TRIO: variants seen among roughly 807,000 people sequenced by gnomAD.
The protein encoded by TRIO is trio Rho guanine nucleotide exchange factor, also known as triple functional domain protein.
A neutral mutation model predicts 351.9 loss-of-function variants in TRIO; 58 were observed. The observed-to-expected ratio is 0.16, with a 90% CI of 0.13 to 0.21. The LOEUF is 0.21. TRIO is among the 10% of genes least tolerant of loss of function. TRIO has a pLI of 1.00. For synonymous variants in TRIO, 1,758 were observed against 1,595.7 expected (o/e 1.10, Z -2.42); for missense variants, 3,201 against 4,027.8 (o/e 0.79, Z 5.56).
chr5:14,481,771 CTTTTTTTTTTT>C (rs34046917), intron 45 of TRIO, 153 bp downstream of exon 45: 6 of 189,354 alleles, frequency 3.2e-5, no homozygotes, highest in Non-Finnish European at 5.5e-5. Flanking sequence ...ATTTTATTTC[CTTTTTTTTTTT>C]TTTTTTTTTT....
At chr5:14,230,172 C>T (rs556928) in intron 1 of TRIO, among the ~76,000 whole-genome samples, 61,322 of 152,128 alleles carry the variant, frequency 0.4, 14,155 homozygotes, top group East Asian at 0.53. Context: ...GTTTTTGGTA[C>T]ACTTCCAAAC....
intron 1 of TRIO, among the ~76,000 whole-genome samples, chr5:14,228,832 C>T (rs1793214367): frequency 6.6e-6 from 1 of 151,998 alleles, no homozygotes; most frequent in African/African-American, 2.4e-5. Context: ...GATCATGCCA[C>T]TGCACTCCAG....
intron 1 of TRIO, among the ~76,000 whole-genome samples, chr5:14,187,147 C>T (rs1307648211): frequency 6.6e-6 from 1 of 152,168 alleles, no homozygotes; most frequent in African/African-American, 2.4e-5. Context: ...CGGTTCTGGT[C>T]TCTCTTACGT....
At chr5:14,395,475 C>A (rs1440862159) in intron 28 of TRIO, among the ~76,000 whole-genome samples, 1 of 152,212 alleles carries the variant, frequency 6.6e-6, no homozygotes, top group Non-Finnish European at 1.5e-5. Context: ...AGAGGTTCTT[C>A]AGGAGAACAG....
rs1214734118 is a variant in TRIO, at chr5:14,243,007, G to GC, written c.158-27816dup. On this transcript the variant is annotated intron_variant, in intron 1 of 56. Coordinates refer to ENST00000344204, the MANE Select transcript of TRIO (RefSeq NM_007118.4). ...GACACATGCAGTGGTTGGCGGCCCA[G>GC]CCAGGGGGTCTCTTCTCTCACAGCC... Among the ~76,000 whole-genome samples, 7 of 152,222 alleles carry GC rather than the reference G, an allele frequency of 4.6e-5. No homozygotes were observed. The East Asian group carries it at 1.2e-3, about 25-fold the overall frequency.
intron 9 of TRIO, among the ~76,000 whole-genome samples, chr5:14,326,913 A>T (rs910643920): frequency 6.6e-6 from 1 of 152,194 alleles, no homozygotes; most frequent in South Asian, 2.1e-4. Flanking sequence ...GCTGGATTTC[A>T]TAGCTGTCTG....
chr5:14,402,148 C>G (rs934938371), intron 31 of TRIO, among the ~76,000 whole-genome samples: 1 of 152,202 alleles, frequency 6.6e-6, no homozygotes, highest in African/African-American at 2.4e-5. Flanking sequence ...ATTTAAATAA[C>G]TGTATTTTCT....
At chr5:14,271,152 T>G (rs917628237) in intron 2 of TRIO, among the ~76,000 whole-genome samples, 2 of 152,234 alleles carry the variant, frequency 1.3e-5, no homozygotes, top group African/African-American at 2.4e-5. Context: ...CAACAAAAAT[T>G]CAGCTGTTCT....
chr5:14,479,064 G>T (rs1488455918), intron 41 of TRIO, among the ~76,000 whole-genome samples, 197 bp from the exon 42 acceptor site: 1 of 152,148 alleles, frequency 6.6e-6, no homozygotes, highest in Non-Finnish European at 1.5e-5. Flanking sequence ...AGTGATGGGG[G>T]AAGGACTGGT....
chr5:14,469,001 G>A (rs894403364), intron 37 of TRIO, among the ~76,000 whole-genome samples: 95 of 152,276 alleles, frequency 6.2e-4, no homozygotes, highest in African/African-American at 2.2e-3. Context: ...CTGCATGTCG[G>A]CAATAGAGTA....
chr5:14,301,477 G>A (rs1395879813), intron 7 of TRIO, among the ~76,000 whole-genome samples: 1 of 152,122 alleles, frequency 6.6e-6, no homozygotes, highest in Non-Finnish European at 1.5e-5. Context: ...TTAGACTGCA[G>A]TAGCCACCTT....
intron 46 of TRIO, 137 bp from the exon 47 acceptor site, chr5:14,484,932 G>C: frequency 2.4e-6 from 2 of 824,852 alleles, no homozygotes; most frequent in Admixed American, 3.4e-5. Flanking sequence ...TTGTGTGTCG[G>C]AATTTCTTTC....
chr5:14,191,801 T>C (rs1328577853), intron 1 of TRIO, among the ~76,000 whole-genome samples: 3 of 152,182 alleles, frequency 2.0e-5, no homozygotes, highest in African/African-American at 7.2e-5. Context: ...AGTAAAGACT[T>C]CTTGTGGTTC....
rs546938350 is a variant in TRIO at position 14,262,442 on chromosome 5, GT to G, written c.158-8382del. ...ATGGTAATGATGAACCAATGAGGTT[GT>G]GGAGGCAGCATACATCAGATCATGA... On this transcript the variant is annotated intron_variant, in intron 1 of 56. Coordinates refer to ENST00000344204, the MANE Select transcript of TRIO (RefSeq NM_007118.4). 2.1e-3 allele frequency among the ~76,000 whole-genome samples: 320 copies of G among 152,294 alleles called. 1 individual carries two copies. The highest frequency in any genetic ancestry group is 3.7e-3 in the Non-Finnish European group (254 of 68,016).
chr5:14,272,381 T>C (rs1796026381), intron 2 of TRIO, among the ~76,000 whole-genome samples: 1 of 152,204 alleles, frequency 6.6e-6, no homozygotes, highest in African/African-American at 2.4e-5. Context: ...GAGATGGACA[T>C]GTGAAGAAAG....
intron 1 of TRIO, among the ~76,000 whole-genome samples, chr5:14,227,359 A>G (rs1793113046): frequency 6.6e-6 from 1 of 152,050 alleles, no homozygotes; most frequent in East Asian, 1.9e-4. Flanking sequence ...AAGGACAGGG[A>G]CCTCCTTTTG....
In TRIO at chr5:14,465,602, C is replaced by G; in HGVS notation, c.5725C>G (p.Leu1909Val). 1 of 1,614,098 alleles carries G rather than the reference C, an allele frequency of 6.2e-7. No homozygotes were observed. The highest frequency in any genetic ancestry group is 2.2e-5 in the East Asian group (1 of 44,884). ...CTCCGAAACACCGAGTGCAGCCGAG[C>G]TCGTCAGTGCAATTGAGGAACTCGT... Reference protein sequence around the residue: ...TSSETPSAAELVSAIEELVKS... With the variant: ...TSSETPSAAEVVSAIEELVKS... Residue 1909 changes from leucine (L) to valine (V), a missense_variant, in exon 37 of 57, where the codon CTC becomes GTC. This residue lies in a region of TRIO where 307 missense variants were observed against 396.5 expected (regional missense o/e 0.77). Transcript: ENST00000344204.
At chr5:14,205,313 AG>A (rs1303521354) in intron 1 of TRIO, among the ~76,000 whole-genome samples, 2 of 152,264 alleles carry the variant, frequency 1.3e-5, no homozygotes, top group African/African-American at 4.8e-5. Flanking sequence ...TCTAGAGAAA[AG>A]AAGAAAATAA....
At chr5:14,195,104 A>G (rs528744669) in intron 1 of TRIO, among the ~76,000 whole-genome samples, 1 of 152,328 alleles carries the variant, frequency 6.6e-6, no homozygotes, top group South Asian at 2.1e-4. Flanking sequence ...TATCTAATTT[A>G]CAGACTTTAT....
Sources: allele counts gnomAD v4.1 joint callset (sites outside exome capture counted in the v4.1 genomes callset), GRCh38; gene constraint gnomAD v4.1.1; regional missense constraint gnomAD v4.1.1; transcripts MANE v1.5; gene names NCBI Gene and HGNC (gene_info 2026-07-23, HGNC 2026-07-21).